Variants in UBXN2A observed in about 807,000 individuals in gnomAD.
The protein encoded by UBXN2A is UBX domain-containing protein 2A.
Under a neutral mutation model 28.4 loss-of-function variants are expected in UBXN2A, and 28 were observed. The ratio of observed to expected loss-of-function variants is 0.99; its 90% CI spans 0.73 to 1.35. UBXN2A has a LOEUF of 1.35. Ranked by LOEUF, UBXN2A falls within the 40% of genes most tolerant of loss-of-function variation. UBXN2A has a pLI of 0.00. For synonymous variants in UBXN2A, 97 were observed against 103.6 expected (o/e 0.94, Z 0.39); for missense variants, 253 against 297.9 (o/e 0.85, Z 1.11).
intron 2 of UBXN2A, among the ~76,000 whole-genome samples, chr2:23,959,693 C>T (rs953582254): frequency 3.9e-5 from 6 of 152,114 alleles, no homozygotes; most frequent in African/African-American, 1.2e-4. Context: ...CAGGCACAAG[C>T]TTCCAGGGGT....
chr2:23,967,380 G>A (rs144662017), intron 2 of UBXN2A, among the ~76,000 whole-genome samples: 26 of 152,290 alleles, frequency 1.7e-4, no homozygotes, highest in African/African-American at 6.0e-4. Context: ...ACTACCATCT[G>A]AACAGAAGAA....
chr2:23,930,103 T>C (rs945063471), intron 1 of UBXN2A, among the ~76,000 whole-genome samples: 1 of 152,112 alleles, frequency 6.6e-6, no homozygotes, highest in Non-Finnish European at 1.5e-5. Context: ...TTAGCCAGGA[T>C]GGTCTTGATC....
intron 6 of UBXN2A, among the ~76,000 whole-genome samples, chr2:23,997,789 T>G (rs1162649264): frequency 6.7e-6 from 1 of 150,222 alleles, no homozygotes; most frequent in Non-Finnish European, 1.5e-5. Context: ...TTTATTAGTT[T>G]TGCCAGAACT....
intron 1 of UBXN2A, among the ~76,000 whole-genome samples, chr2:23,941,248 GATAGGA>G (rs540840040): frequency 1.5e-4 from 23 of 152,296 alleles, no homozygotes; most frequent in African/African-American, 5.3e-4. Flanking sequence ...GATAAGTAAA[GATAGGA>G]AACTGCTGAT....
Position 24,000,046 on chromosome 2 carries a change from G to A in UBXN2A, c.*179G>A. On this transcript the variant is annotated 3_prime_UTR_variant, in exon 7 of 7. Transcript: ENST00000309033. Reference sequence around the variant, plus strand: ...AAGTTAAGAAAGTAGCATATGACTGGAAACTATATTCAGTGCACTTTCTCC... The same window carrying A: ...AAGTTAAGAAAGTAGCATATGACTGAAAACTATATTCAGTGCACTTTCTCC... The A allele has an allele frequency of 1.7e-6, 1 of 593,898 alleles. No homozygotes were observed. 36.8% of individuals were successfully genotyped at this position (593,898 alleles called of 1,614,324 possible).
At chr2:23,997,475 G>A (rs1043746787) in intron 6 of UBXN2A, among the ~76,000 whole-genome samples, 2 of 151,910 alleles carry the variant, frequency 1.3e-5, no homozygotes, top group African/African-American at 4.8e-5. Flanking sequence ...TTTTTGAGAC[G>A]GAGTCCTGCT....
chr2:23,928,166 A>G (rs1705171249), intron 1 of UBXN2A, among the ~76,000 whole-genome samples: 2 of 149,380 alleles, frequency 1.3e-5, no homozygotes, highest in South Asian at 2.1e-4. Flanking sequence ...ACAGAGCCAG[A>G]CCCTGTCTCA....
At chr2:23,987,049 CACCACTGT>C (rs975511215) in intron 6 of UBXN2A, among the ~76,000 whole-genome samples, 57 of 151,874 alleles carry the variant, frequency 3.8e-4, no homozygotes, top group African/African-American at 1.3e-3. Flanking sequence ...GCCATGATCT[CACCACTGT>C]ACCCCAGCCT....
intron 6 of UBXN2A, among the ~76,000 whole-genome samples, chr2:23,991,735 G>A (rs1708361417): frequency 6.6e-6 from 1 of 152,044 alleles, no homozygotes; most frequent in Non-Finnish European, 1.5e-5. Flanking sequence ...GCCTCCCAAA[G>A]TGCTGGGATT....
chr2:23,991,535 C>T (rs997543993), intron 6 of UBXN2A, among the ~76,000 whole-genome samples: 1 of 151,516 alleles, frequency 6.6e-6, no homozygotes, highest in Non-Finnish European at 1.5e-5. Context: ...GTGGTGTGAT[C>T]TCGGCTCACT....
intron 1 of UBXN2A, among the ~76,000 whole-genome samples, chr2:23,958,077 T>C (rs574164690): frequency 5.3e-5 from 8 of 152,358 alleles, no homozygotes; most frequent in African/African-American, 1.9e-4. Context: ...TGGTATATTA[T>C]ACTTTTTTTC....
chr2:23,937,389 A>AT (rs1293768290), upstream of UBXN2A, among the ~76,000 whole-genome samples: 1 of 151,568 alleles, frequency 6.6e-6, no homozygotes, highest in Non-Finnish European at 1.5e-5. Context: ...TACAAAAAAA[A>AT]TTTTTTTTTA....
At chr2:23,974,933 C>T (rs1048786700) in intron 3 of UBXN2A, among the ~76,000 whole-genome samples, 79 of 151,282 alleles carry the variant, frequency 5.2e-4, no homozygotes, top group Non-Finnish European at 9.6e-4. Flanking sequence ...GAACCAAGAT[C>T]GTGCCACTGC....
At chr2:23,988,558 CATT>C (rs1708220833) in intron 6 of UBXN2A, among the ~76,000 whole-genome samples, 1 of 152,158 alleles carries the variant, frequency 6.6e-6, no homozygotes, top group Non-Finnish European at 1.5e-5. Flanking sequence ...TTGTACCTCT[CATT>C]GTATTCCAAC....
intron 6 of UBXN2A, among the ~76,000 whole-genome samples, chr2:23,998,587 G>T (rs1170473829): frequency 3.9e-5 from 6 of 152,104 alleles, no homozygotes; most frequent in Non-Finnish European, 8.8e-5. Context: ...GGATGTGGTG[G>T]CAGGCGCCTA....
intron 1 of UBXN2A, among the ~76,000 whole-genome samples, chr2:23,942,419 C>CTTTTTTT (rs759241567): frequency 8.3e-4 from 81 of 98,110 alleles, no homozygotes; most frequent in Non-Finnish European, 1.0e-3. Context: ...TGATGCAGGG[C>CTTTTTTT]TTTTTTTTTT....
At position 23,971,330 on chromosome 2, in the gene UBXN2A, TTG is replaced by T. The variant is rs759404897; in HGVS notation, c.99_100del (p.Cys33Ter). 1.3e-6 allele frequency: 2 copies of T among 1,578,102 alleles called. No homozygotes were observed. Among genetic ancestry groups the T allele is most frequent in the African/African-American group, 2.7e-5 (2 of 74,664 alleles). On this transcript the variant is annotated frameshift_variant, in exon 3 of 7. Transcript: ENST00000309033. LOFTEE classifies it high-confidence loss of function. ...CTCTTGGTAATAATCAACAATCAAA[TTG>T]TGAATATTTTGTTGATAGCCTTTTT... ...QPLGNNQQSN[C>X]EYFVDSLFEE...
At chr2:23,934,147 C>G (rs1274487586) in intron 1 of UBXN2A, among the ~76,000 whole-genome samples, 1 of 150,836 alleles carries the variant, frequency 6.6e-6, no homozygotes, top group African/African-American at 2.4e-5. Flanking sequence ...ATGCGGGAGG[C>G]GGAGGTTGCA....
chr2:23,958,416 T>C, intron 2 of UBXN2A, 61 bp downstream of exon 2: 1 of 1,479,372 alleles, frequency 6.8e-7, no homozygotes, highest in Non-Finnish European at 9.2e-7. Flanking sequence ...CCTGTATTTT[T>C]ATTACATTTC....
Sources: allele counts gnomAD v4.1 joint callset (sites outside exome capture counted in the v4.1 genomes callset), GRCh38; gene constraint gnomAD v4.1.1; transcripts MANE v1.5; gene names NCBI Gene and HGNC (gene_info 2026-07-23, HGNC 2026-07-21).